The following DLG2 variants were observed in gnomAD, a reference collection of about 807,000 sequenced individuals.
DLG2 encodes discs large MAGUK scaffold protein 2.
In DLG2, 45 loss-of-function variants were observed where a neutral mutation model predicts 132.5. That is an observed-to-expected ratio of 0.34 (90% CI 0.27 to 0.44). The LOEUF is 0.44. DLG2 is among the 20% of genes least tolerant of loss of function. DLG2 has a pLI of 1.00. For synonymous variants in DLG2, 424 were observed against 419.6 expected, an observed-to-expected ratio of 1.01 and a Z score of -0.13; for missense variants, 1,045 against 1,196.9, an observed-to-expected ratio of 0.87 and a Z score of 1.87.
At chr11:85,261,045 C>A (rs753627109) in intron 4 of DLG2, among the ~76,000 whole-genome samples, 39 of 151,944 alleles carry the variant, frequency 2.6e-4, no homozygotes, top group Non-Finnish European at 4.3e-4. Flanking sequence ...TGGGGCCCAG[C>A]GTAGCAGGTG....
intron 4 of DLG2, among the ~76,000 whole-genome samples, chr11:85,238,205 T>TTTTATTTA (rs141877580): frequency 5.6e-4 from 70 of 125,990 alleles, no homozygotes; most frequent in South Asian, 5.2e-4. Context: ...TTTATTTTTA[T>TTTTATTTA]TTTATTTATT....
At chr11:84,555,538 A>G (rs1291345745) in intron 6 of DLG2, among the ~76,000 whole-genome samples, 11 of 152,218 alleles carry the variant, frequency 7.2e-5, no homozygotes. Context: ...TAAGGACATT[A>G]TGCTAAGTGA....
intron 6 of DLG2, among the ~76,000 whole-genome samples, chr11:85,076,403 A>T (rs1284024836): frequency 1.3e-5 from 2 of 152,048 alleles, no homozygotes; most frequent in African/African-American, 4.8e-5. Context: ...TTCAAGTTTC[A>T]TTCAGGAAAC....
In DLG2 at chr11:83,753,885, ATATATATCATATATATATT is replaced by A. The variant is rs1175070151; in HGVS notation, c.1825+32786_1825+32804del. ...ATATTTCATATATATGATATATATC[ATATATATCATATATATATT>A]TCATATATATTTCATATATATAGTG... is the stretch of plus-strand genomic sequence containing the variant. On this transcript the variant is annotated intron_variant, in intron 18 of 27. Transcript: ENST00000376104. Among the ~76,000 whole-genome samples the A allele has an allele frequency of 1.4e-4, 3 of 21,028 alleles. No individual in the cohort carries two copies. The East Asian group carries it at 8.9e-3, about 63-fold the overall frequency. 13.8% of individuals were successfully genotyped at this position (21,028 alleles called of 152,430 possible). A position where few individuals can be genotyped will look rare whatever the true frequency, so the allele number is the denominator to read the frequency against.
At chr11:85,265,243 T>A (rs540896288) in intron 4 of DLG2, among the ~76,000 whole-genome samples, 26 of 152,342 alleles carry the variant, frequency 1.7e-4, no homozygotes, top group African/African-American at 5.8e-4. Context: ...TAGGAGCTTC[T>A]TAAAAACAGA....
intron 6 of DLG2, among the ~76,000 whole-genome samples, chr11:84,979,492 T>C (rs1042088818): frequency 6.6e-6 from 1 of 152,044 alleles, no homozygotes; most frequent in South Asian, 2.1e-4. Flanking sequence ...AAAGGATGAG[T>C]TCATGTTCTT....
intron 6 of DLG2, among the ~76,000 whole-genome samples, chr11:84,868,389 A>C (rs1284356132): frequency 6.6e-6 from 1 of 152,102 alleles, no homozygotes; most frequent in African/African-American, 2.4e-5. Context: ...TTCAGTCAGC[A>C]AGGTCATTCT....
intron 19 of DLG2, among the ~76,000 whole-genome samples, chr11:83,552,619 A>G (rs1042820604): frequency 3.3e-5 from 5 of 152,096 alleles, no homozygotes; most frequent in Admixed American, 1.3e-4. Flanking sequence ...TTCTTAGTGG[A>G]AGCCGCCTCT....
At chr11:84,895,538 C>A (rs1453869803) in intron 6 of DLG2, among the ~76,000 whole-genome samples, 6 of 152,138 alleles carry the variant, frequency 3.9e-5, no homozygotes, top group Admixed American at 3.9e-4. Context: ...GCTTTTCTTA[C>A]CACCTACATC....
chr11:84,478,582 G>C (rs1186249631), intron 7 of DLG2, among the ~76,000 whole-genome samples: 1 of 151,850 alleles, frequency 6.6e-6, no homozygotes, highest in Non-Finnish European at 1.5e-5. Flanking sequence ...TTTACCTTTG[G>C]ATAAATCCCT....
chr11:84,468,258 T>C (rs572353051), intron 7 of DLG2, among the ~76,000 whole-genome samples: 1 of 151,636 alleles, frequency 6.6e-6, no homozygotes, highest in South Asian at 2.1e-4. Context: ...TTAGTGCACA[T>C]GTGATTAAGT....
chr11:85,098,762 T>G (rs922705853), intron 6 of DLG2, among the ~76,000 whole-genome samples: 1 of 152,212 alleles, frequency 6.6e-6, no homozygotes, highest in Non-Finnish European at 1.5e-5. Flanking sequence ...TTTTTTACCA[T>G]AGGTTGATAG....
At position 84,415,726 on chromosome 11, in the gene DLG2, C is replaced by T. The variant is rs7106332; in HGVS notation, c.519+118844G>A. Among the ~76,000 whole-genome samples the T allele has an allele frequency of 3.0e-3, 463 of 152,242 alleles. 7 individuals carry two copies. The highest frequency in any genetic ancestry group is 0.01 in the African/African-American group (430 of 41,540). ...GATAGTCAAGATGGTAATCAGTGGG[C>T]AAAACACTTGGGCCAGACAGAAATG... On this transcript the variant is annotated intron_variant, in intron 7 of 27. Transcript: ENST00000376104.
intron 6 of DLG2, among the ~76,000 whole-genome samples, chr11:84,683,511 C>T (rs2099735354): frequency 6.6e-6 from 1 of 152,114 alleles, no homozygotes; most frequent in African/African-American, 2.4e-5. Flanking sequence ...TCAGAAGAAA[C>T]AACTGCCCTT....
At position 84,121,541 on chromosome 11, in the gene DLG2, A is replaced by ATTTTTT. The variant is rs869183421; in HGVS notation, c.625-22500_625-22495dup. 7.2e-4 allele frequency among the ~76,000 whole-genome samples: 48 copies of ATTTTTT among 66,688 alleles called. 5 individuals are homozygous for ATTTTTT. Among genetic ancestry groups the ATTTTTT allele is most frequent in the African/African-American group, 1.4e-3 (26 of 18,262 alleles). 43.7% of individuals were successfully genotyped at this position (66,688 alleles called of 152,430 possible). A position where few individuals can be genotyped will look rare whatever the true frequency, so the allele number is the denominator to read the frequency against. ...TTACTCTCACTTATATTCCTTGCTA[A>ATTTTTT]TTTTTTTTTTTTTTTTTTTTTTTTT... On this transcript the variant is annotated intron_variant, in intron 9 of 27. Transcript: ENST00000376104.
intron 11 of DLG2, among the ~76,000 whole-genome samples, chr11:84,058,456 G>C (rs2096538556): frequency 6.7e-6 from 1 of 150,338 alleles, no homozygotes; most frequent in South Asian, 2.1e-4. Context: ...AGGAGTTCAA[G>C]ACCAGCCTGG....
At chr11:85,535,907 T>C (rs1425596020) in intron 3 of DLG2, among the ~76,000 whole-genome samples, 1 of 152,158 alleles carries the variant, frequency 6.6e-6, no homozygotes, top group East Asian at 1.9e-4. Flanking sequence ...TAATGTAGGA[T>C]TCCATTTATA....
At chr11:84,441,842 C>T (rs1178855482) in intron 7 of DLG2, among the ~76,000 whole-genome samples, 3 of 152,116 alleles carry the variant, frequency 2.0e-5, no homozygotes, top group Non-Finnish European at 4.4e-5. Context: ...ATATGGCTAG[C>T]CAGTTTTCCC....
At chr11:85,054,071 C>A (rs964141215) in intron 6 of DLG2, among the ~76,000 whole-genome samples, 9 of 151,656 alleles carry the variant, frequency 5.9e-5, no homozygotes, top group Admixed American at 2.6e-4. Context: ...TCGAGACCAG[C>A]CTAACCAACA....
Sources: allele counts gnomAD v4.1 joint callset (sites outside exome capture counted in the v4.1 genomes callset), GRCh38; gene constraint gnomAD v4.1.1; transcripts MANE v1.5; gene names NCBI Gene and HGNC (gene_info 2026-07-23, HGNC 2026-07-21).